The following PTPRO variants were observed in gnomAD, a reference collection of about 807,000 sequenced individuals.
The protein encoded by PTPRO is receptor-type tyrosine-protein phosphatase O.
A neutral mutation model predicts 145.2 loss-of-function variants in PTPRO; 62 were observed. The ratio of observed to expected loss-of-function variants is 0.43; its 90% confidence interval spans 0.35 to 0.53. The LOEUF is 0.53. PTPRO is among the 20% of genes least tolerant of loss of function. The pLI, the probability that PTPRO is intolerant of heterozygous loss-of-function variation, is 0.01. For missense variants in PTPRO, 1,345 were observed against 1,482.7 expected (o/e 0.91, Z 1.53); for synonymous variants, 565 against 514.7 (o/e 1.10, Z -1.32).
intron 12 of PTPRO, among the ~76,000 whole-genome samples, chr12:15,533,038 G>T (rs1375159140): frequency 6.6e-6 from 1 of 152,114 alleles, no homozygotes; most frequent in Non-Finnish European, 1.5e-5. Context: ...TGACATCATG[G>T]TCGAAGGTGC....
intron 1 of PTPRO, among the ~76,000 whole-genome samples, chr12:15,372,420 T>C (rs1436448561): frequency 6.6e-6 from 1 of 152,312 alleles, no homozygotes; most frequent in South Asian, 2.1e-4. Flanking sequence ...ATGAAGCTAA[T>C]TAGGAGACTC....
At chr12:15,499,799 T>G (rs7965906) in intron 4 of PTPRO, among the ~76,000 whole-genome samples, 2 of 152,244 alleles carry the variant, frequency 1.3e-5, no homozygotes, top group African/African-American at 4.8e-5. Context: ...GTCAATGTAA[T>G]CATAGATTTC....
chr12:15,476,120 C>T (rs1033706054), intron 1 of PTPRO, among the ~76,000 whole-genome samples: 2 of 152,054 alleles, frequency 1.3e-5, no homozygotes, highest in African/African-American at 4.8e-5. Context: ...ACCTCGGGTG[C>T]TCTAGTTGAT....
chr12:15,513,139 GGAAGAAAGAAAGAAAGAA>G lies in PTPRO; in HGVS notation c.1465-2358_1465-2341del, dbSNP rs1456588925. 7.6e-3 allele frequency among the ~76,000 whole-genome samples: 211 copies of G among 27,586 alleles called. 13 individuals carry two copies. Among genetic ancestry groups the G allele is most frequent in the African/African-American group, 0.026 (204 of 7,928 alleles). 18.1% of individuals were successfully genotyped at this position (27,586 alleles called of 152,430 possible). On this transcript the variant is annotated intron_variant, in intron 7 of 26. Transcript: ENST00000281171. ...AGGAAGGAAGGAAGGAAGGAAGGAA[GGAAGAAAGAAAGAAAGAA>G]AAAGAAAGAAAGAAAGAAAGAAAGA... is the stretch of plus-strand genomic sequence containing the variant.
intron 20 of PTPRO, among the ~76,000 whole-genome samples, chr12:15,579,564 CATA>C (rs1354361155): frequency 6.6e-6 from 1 of 152,176 alleles, no homozygotes; most frequent in Non-Finnish European, 1.5e-5. Flanking sequence ...GATATATTAT[CATA>C]ATAACACTTC....
At chr12:15,487,101 T>G (rs1181973032) in intron 2 of PTPRO, among the ~76,000 whole-genome samples, 1 of 152,064 alleles carries the variant, frequency 6.6e-6, no homozygotes, top group Admixed American at 6.6e-5. Context: ...CCCCCAGCAA[T>G]AGACTGCTGT....
intron 1 of PTPRO, among the ~76,000 whole-genome samples, chr12:15,451,842 G>A (rs980233051): frequency 2.6e-5 from 4 of 152,184 alleles, no homozygotes; most frequent in Non-Finnish European, 4.4e-5. Flanking sequence ...GTACAGCAAA[G>A]GCTGTGCTGA....
At chr12:15,583,404 C>A (rs6488786) in intron 23 of PTPRO, among the ~76,000 whole-genome samples, 148,540 of 152,006 alleles carry the variant, frequency 0.98, 72,675 homozygotes, top group East Asian at 1. Context: ...ACTTGAGCCC[C>A]GTAGGTGGAG....
intron 1 of PTPRO, among the ~76,000 whole-genome samples, chr12:15,337,040 G>A (rs906625633): frequency 2.2e-4 from 33 of 152,174 alleles, no homozygotes; most frequent in Non-Finnish European, 1.2e-4. Flanking sequence ...TGGCAGGGGA[G>A]GTGAAAGAAT....
intron 1 of PTPRO, among the ~76,000 whole-genome samples, chr12:15,468,639 A>G (rs76071250): frequency 0.016 from 2,473 of 152,286 alleles, 88 homozygotes; most frequent in African/African-American, 0.057. Flanking sequence ...TCCACTTGCA[A>G]TTATCTAGTT....
At chr12:15,333,583 A>G (rs1052188090) in intron 1 of PTPRO, among the ~76,000 whole-genome samples, 13 of 152,344 alleles carry the variant, frequency 8.5e-5, no homozygotes, top group Middle Eastern at 3.4e-3. Context: ...AGCAGGATGC[A>G]GGTGTGCAAG....
chr12:15,580,547 T>C, intron 21 of PTPRO, 150 bp from the exon 22 acceptor site: 1 of 894,808 alleles, frequency 1.1e-6, no homozygotes, highest in East Asian at 2.6e-5. Context: ...ATAGCCTCTT[T>C]GATTAAAACA....
intron 1 of PTPRO, among the ~76,000 whole-genome samples, chr12:15,389,542 G>T (rs1243346562): frequency 6.6e-6 from 1 of 152,124 alleles, no homozygotes; most frequent in Non-Finnish European, 1.5e-5. Context: ...TTAATAAAGA[G>T]ATTTTGTCTA....
chr12:15,324,585 C>G (rs1275559839), intron 1 of PTPRO, among the ~76,000 whole-genome samples: 1 of 152,032 alleles, frequency 6.6e-6, no homozygotes, highest in Non-Finnish European at 1.5e-5. Flanking sequence ...AATACATTGG[C>G]AAAGTTTGCC....
intron 1 of PTPRO, among the ~76,000 whole-genome samples, chr12:15,431,444 T>G (rs1422392397): frequency 2.0e-5 from 3 of 152,228 alleles, no homozygotes; most frequent in Admixed American, 6.5e-5. Flanking sequence ...TCACTTCAAC[T>G]TTTCAAAAAT....
intron 1 of PTPRO, among the ~76,000 whole-genome samples, chr12:15,331,349 A>C (rs1866603497): frequency 6.6e-6 from 1 of 152,152 alleles, no homozygotes; most frequent in Non-Finnish European, 1.5e-5. Context: ...CGGGAATTGA[A>C]GAATAAAAAA....
At chr12:15,539,101 A>G (rs1352858173) in intron 12 of PTPRO, among the ~76,000 whole-genome samples, 1 of 152,150 alleles carries the variant, frequency 6.6e-6, no homozygotes, top group African/African-American at 2.4e-5. Flanking sequence ...TCCTGGAACC[A>G]CTGAAAAGGA....
chr12:15,413,613 A>C (rs903318866), intron 1 of PTPRO, among the ~76,000 whole-genome samples: 2 of 152,094 alleles, frequency 1.3e-5, no homozygotes, highest in East Asian at 1.9e-4. Context: ...TCAGGAGCTC[A>C]AGACCAGCCT....
chr12:15,581,276 T>C (rs1565443981), intron 22 of PTPRO, among the ~76,000 whole-genome samples: 1 of 151,012 alleles, frequency 6.6e-6, no homozygotes, highest in Non-Finnish European at 1.5e-5. Flanking sequence ...CCTGGAACAA[T>C]GTTATGCGTT....
Sources: allele counts gnomAD v4.1 joint callset (sites outside exome capture counted in the v4.1 genomes callset), GRCh38; gene constraint gnomAD v4.1.1; transcripts MANE v1.5; gene names NCBI Gene and HGNC (gene_info 2026-07-23, HGNC 2026-07-21).